Variants in THBS2 observed in about 807,000 individuals in gnomAD.
THBS2 encodes thrombospondin-2.
Under a neutral mutation model 135.2 loss-of-function variants are expected in THBS2, and 47 were observed. The ratio of observed to expected loss-of-function variants is 0.35; its 90% CI spans 0.28 to 0.44. The LOEUF is 0.44. Ranked by LOEUF, THBS2 falls within the 20% of genes least tolerant of loss-of-function variation. The pLI, the probability that THBS2 is intolerant of heterozygous loss-of-function variation, is 1.00. For missense variants in THBS2, 1,288 were observed against 1,603.1 expected, an observed-to-expected ratio of 0.80 and a Z score of 3.36; for synonymous variants, 639 against 633.8, an observed-to-expected ratio of 1.01 and a Z score of -0.12.
chr6:169,242,600 ATTCCCACC>A, intron 4 of THBS2, among the ~76,000 whole-genome samples: 1 of 53,870 alleles, frequency 1.9e-5, no homozygotes, highest in African/African-American at 9.4e-5. Context: ...ACCTTCCCAC[ATTCCCACC>A]TTCCCACCGC....
chr6:169,226,328 AAAAC>A (rs764814635), intron 15 of THBS2, 30 bp from the exon 16 acceptor site: 972 of 1,561,450 alleles, frequency 6.2e-4, no homozygotes, highest in Non-Finnish European at 7.8e-4. Flanking sequence ...GAAGAAAACA[AAAAC>A]AAACCAGAAG....
intron 13 of THBS2, among the ~76,000 whole-genome samples, chr6:169,230,366 G>T (rs955403703): frequency 6.6e-6 from 1 of 151,720 alleles, no homozygotes; most frequent in Admixed American, 6.5e-5. Flanking sequence ...CCAAGGGTGT[G>T]TCATCCCCGT....
At position 169,223,252 on chromosome 6, in the gene THBS2, A is replaced by G; in HGVS notation, c.2997T>C (p.Ala999=). ...VQTANSDPGI[A]VGFDEFGSVD... is the part of the protein sequence containing the mutation. ...CGCCGTGTCTCAGAGACTCACCTAC[A>G]GCGATGCCGGGGTCCGAGTTGGCTG... Residue 999 remains alanine (A), a synonymous_variant, in exon 18 of 22, where the codon GCT becomes GCC. Coordinates refer to ENST00000617924, the MANE Select transcript of THBS2 (RefSeq NM_003247.5). 6.2e-7 allele frequency: 1 copy of G among 1,613,232 alleles called. No homozygotes were observed. Among genetic ancestry groups the G allele is most frequent in the Non-Finnish European group, 8.5e-7 (1 of 1,179,450 alleles).
At chr6:169,242,634 A>G (rs1024417723) in intron 4 of THBS2, among the ~76,000 whole-genome samples, 7 of 5,624 alleles carry the variant, frequency 1.2e-3, no homozygotes, top group Admixed American at 3.5e-3. Context: ...CCTTCCCACC[A>G]CTCCCACCTT....
Position 169,232,872 on chromosome 6 carries a change from C to T in THBS2, c.1779+18G>A, listed in dbSNP as rs1562358435. On this transcript the variant is annotated intron_variant, in intron 11 of 21. Transcript: ENST00000617924. Reference sequence around the variant, plus strand: ...TCCCGACCTCAGGGCGCCCACAGCCCAGGGCGGGGTCACCCACCTCGTCCA... The same window carrying T: ...TCCCGACCTCAGGGCGCCCACAGCCTAGGGCGGGGTCACCCACCTCGTCCA... 6.2e-7 allele frequency: 1 copy of T among 1,604,390 alleles called. No homozygotes were observed. The highest frequency in any genetic ancestry group is 8.5e-7 in the Non-Finnish European group (1 of 1,174,892).
At chr6:169,235,798 CCA>C (rs1780016308) in intron 9 of THBS2, among the ~76,000 whole-genome samples, 1 of 96,452 alleles carries the variant, frequency 1.0e-5, no homozygotes, top group South Asian at 4.4e-4. Flanking sequence ...CCCTCCCCAT[CCA>C]CACTCACTCC....
intron 2 of THBS2, 62 bp from the exon 3 acceptor site, chr6:169,249,035 C>G (rs1027388478): frequency 3.3e-6 from 5 of 1,493,582 alleles, no homozygotes; most frequent in Non-Finnish European, 3.6e-6. Flanking sequence ...TTGGCCTGAC[C>G]CAGGGTGACA....
Position 169,223,315 on chromosome 6 carries a change from G to A in THBS2, c.2934C>T (p.Asn978=), listed in dbSNP as rs1322599919. ...CCTTGCCTTGATGGCGAATGACCCA[G>A]TTGGGATCAATTTGGGTGGTCCCTT... ...DPKGTTQIDP[N]WVIRHQGKEL... The change falls in exon 18 of 22, where the codon AAC becomes AAT. Residue 978 remains asparagine (N), a synonymous_variant. Coordinates refer to ENST00000617924, the MANE Select transcript of THBS2 (RefSeq NM_003247.5). 22 of 1,614,092 alleles carry A rather than the reference G, an allele frequency of 1.4e-5. No individual in the cohort carries two copies. The highest frequency in any genetic ancestry group is 1.6e-4 in the Middle Eastern group (1 of 6,080).
At chr6:169,236,345 C>T (rs1780068514) in intron 9 of THBS2, among the ~76,000 whole-genome samples, 1 of 105,060 alleles carries the variant, frequency 9.5e-6, no homozygotes, top group Non-Finnish European at 2.1e-5. Context: ...ACACTCACTC[C>T]CCATCCACAC....
In THBS2 at chr6:169,248,935, T is replaced by G; in HGVS notation, c.91A>C (p.Ser31Arg). Residue 31 changes from serine to arginine, a missense_variant, in exon 3 of 22, where the codon AGT becomes CGT. Ser to Arg is a moderately radical substitution (Grantham distance 110). This residue lies in a region of THBS2 where 414 missense variants were observed against 447.0 expected (regional missense o/e 0.93). Transcript: ENST00000617924. The stretch of plus-strand genomic sequence containing the variant: ...GTCTTGCGGTTGATGTTGCTGATAC[T>G]GAAAAGGTCGAAGGTCGTGTCTTTG... ...QDKDTTFDLF[S>R]ISNINRKTIG... 6.2e-7 allele frequency: 1 copy of G among 1,612,744 alleles called. No individual in the cohort carries two copies. Among genetic ancestry groups the G allele is most frequent in the South Asian group, 1.1e-5 (1 of 90,972 alleles).
Position 169,231,995 on chromosome 6 carries a change from G to A in THBS2, c.2136C>T (p.Thr712=). 1 of 1,613,874 alleles carries A rather than the reference G, an allele frequency of 6.2e-7. No individual in the cohort carries two copies. The highest frequency in any genetic ancestry group is 8.5e-7 in the Non-Finnish European group (1 of 1,179,918). Residue 712 remains threonine, a synonymous_variant, in exon 13 of 22, where the codon ACC becomes ACT. Coordinates refer to ENST00000617924, the MANE Select transcript of THBS2 (RefSeq NM_003247.5). ...CGCGCCTCACCTTGATGCAGTGGTA[G>A]GTGGCGTTGGTGGCGCAGACCAGAT... The part of the protein sequence containing the change: ...NLNLVCATNA[T]YHCIKDNCPH...
At chr6:169,251,830 A>ACC (rs10714692) in intron 1 of THBS2, among the ~76,000 whole-genome samples, 7 of 79,122 alleles carry the variant, frequency 8.8e-5, no homozygotes, top group African/African-American at 9.9e-5. Context: ...TGCTGCTGGG[A>ACC]CCCCCCCCCC....
At chr6:169,236,165 C>T (rs1318345276) in intron 9 of THBS2, among the ~76,000 whole-genome samples, 3 of 119,926 alleles carry the variant, frequency 2.5e-5, no homozygotes, top group East Asian at 2.7e-4. Context: ...CACACTCACT[C>T]CCCATCCACA....
intron 9 of THBS2, among the ~76,000 whole-genome samples, chr6:169,236,756 C>T (rs1289081907): frequency 6.7e-6 from 1 of 149,788 alleles, no homozygotes; most frequent in Non-Finnish European, 1.5e-5. Flanking sequence ...ACACTCACTC[C>T]ATCCACACTC....
At position 169,216,623 on chromosome 6, in the gene THBS2, T is replaced by G. The variant is rs1779181881; in HGVS notation, c.*1199A>C. The G allele has an allele frequency of 6.6e-6, 1 of 152,104 alleles. No homozygotes were observed. The highest frequency in any genetic ancestry group is 1.5e-5 in the Non-Finnish European group (1 of 68,034). 9.4% of individuals were successfully genotyped at this position (152,104 alleles called of 1,614,324 possible). A position where few individuals can be genotyped will look rare whatever the true frequency, so the allele number is the denominator to read the frequency against. Reference sequence around the variant, plus strand: ...ATATATTTAAGGTTCCATCATAAACTCCTCATTATTCTCTATGTATTCTGT... The same window carrying G: ...ATATATTTAAGGTTCCATCATAAACGCCTCATTATTCTCTATGTATTCTGT... On this transcript the variant is annotated 3_prime_UTR_variant, in exon 22 of 22. Transcript: ENST00000617924.
Position 169,222,463 on chromosome 6 carries a change from CA to C in THBS2, c.3006del (p.Phe1002LeufsTer15). ...CTGAAGTCCACAGACCCAAACTCGT[CA>C]AAACCTGGATGCAACGCCATAAGGT... ...ANSDPGIAVG[F>X]DEFGSVDFSG... On this transcript the variant is annotated frameshift_variant, in exon 19 of 22. Coordinates refer to ENST00000617924, the MANE Select transcript of THBS2 (RefSeq NM_003247.5). LOFTEE classifies it high-confidence loss of function. The C allele has an allele frequency of 6.2e-7, 1 of 1,612,490 alleles. No homozygotes were observed. Among genetic ancestry groups the C allele is most frequent in the Non-Finnish European group, 8.5e-7 (1 of 1,179,112 alleles).
At chr6:169,228,383 T>C (rs1057102534) in intron 14 of THBS2, 102 bp from the exon 15 acceptor site, 3 of 1,410,288 alleles carry the variant, frequency 2.1e-6, no homozygotes, top group Middle Eastern at 1.8e-4. Context: ...TGAAAATCAA[T>C]ATAGAAATCA....
chr6:169,230,467 G>T (rs531190049), intron 13 of THBS2, among the ~76,000 whole-genome samples: 3 of 152,216 alleles, frequency 2.0e-5, no homozygotes, highest in Non-Finnish European at 2.9e-5. Flanking sequence ...ATTAAGAAAG[G>T]AGAGCATGTT....
Position 169,231,903 on chromosome 6 carries a change from G to A in THBS2, c.2151+77C>T, listed in dbSNP as rs914598993. Reference sequence around the variant, plus strand: ...ATTCCCTGTGCTGCCCCCGCCCCCCGTCCGCGTAGCGTCCCCGGCGCCAGG... The same window carrying A: ...ATTCCCTGTGCTGCCCCCGCCCCCCATCCGCGTAGCGTCCCCGGCGCCAGG... On this transcript the variant is annotated intron_variant, in intron 13 of 21. Transcript: ENST00000617924. 130 of 1,531,516 alleles carry A rather than the reference G, an allele frequency of 8.5e-5. 1 individual carries two copies. Among genetic ancestry groups the A allele is most frequent in the Non-Finnish European group, 1.1e-4 (119 of 1,130,538 alleles). The allele number at this position is 1,531,516 out of a possible 1,614,324, so 94.9% of individuals were successfully genotyped here.
Sources: gnomAD v4.1 joint callset for allele counts (sites outside exome capture counted in the v4.1 genomes callset) on GRCh38, gnomAD v4.1.1 for gene constraint, gnomAD v4.1.1 regional missense constraint, MANE v1.5 for transcripts, NCBI Gene and HGNC (gene_info 2026-07-23, HGNC 2026-07-21) for gene names.